DNAH6: variants seen among roughly 807,000 people sequenced by gnomAD.
DNAH6 encodes dynein axonemal heavy chain 6, also known as axonemal beta dynein heavy chain 6.
A neutral mutation model predicts 491.4 loss-of-function variants in DNAH6; 340 were observed. That is an observed-to-expected ratio of 0.69 (90% confidence interval 0.63 to 0.76). DNAH6 has a LOEUF of 0.76. Among genes scored for constraint, DNAH6 ranks in the 30% least tolerant of loss-of-function variants. The pLI is 0.00. For synonymous variants in DNAH6, 1,603 were observed against 1,686.1 expected (o/e 0.95, Z 1.21); for missense variants, 4,443 against 4,972.2 (o/e 0.89, Z 3.20).
At chr2:84,533,324 A>G (rs1573526576) in intron 4 of DNAH6, among the ~76,000 whole-genome samples, 1 of 152,154 alleles carries the variant, frequency 6.6e-6, no homozygotes, top group African/African-American at 2.4e-5. Context: ...ATCATGAAAT[A>G]TGCAGGAAAT....
At chr2:84,674,015 C>CATTTCTGTTCTGGAGAAA (rs1692992486) in intron 40 of DNAH6, among the ~76,000 whole-genome samples, 2 of 152,164 alleles carry the variant, frequency 1.3e-5, no homozygotes, top group Admixed American at 6.5e-5. Flanking sequence ...TTAACTGTCC[C>CATTTCTGTTCTGGAGAAA]ATTTCTGTTC....
intron 63 of DNAH6, among the ~76,000 whole-genome samples, chr2:84,753,189 C>G (rs1345261714): frequency 6.6e-6 from 1 of 152,050 alleles, no homozygotes; most frequent in Non-Finnish European, 1.5e-5. Context: ...GTGGAACTGT[C>G]TATTCAGATT....
At chr2:84,643,567 A>G (rs1689618562) in intron 33 of DNAH6, among the ~76,000 whole-genome samples, 1 of 151,986 alleles carries the variant, frequency 6.6e-6, no homozygotes, top group African/African-American at 2.4e-5. Context: ...TACAGTCTTT[A>G]TTCTCTTTAC....
chr2:84,559,063 T>C (rs1458798519), intron 11 of DNAH6, among the ~76,000 whole-genome samples: 2 of 152,142 alleles, frequency 1.3e-5, no homozygotes, highest in African/African-American at 4.8e-5. Flanking sequence ...GTAACTGTCA[T>C]GGTATGATTT....
intron 11 of DNAH6, among the ~76,000 whole-genome samples, chr2:84,564,797 C>T (rs192813121): frequency 6.6e-6 from 1 of 152,218 alleles, no homozygotes; most frequent in Non-Finnish European, 1.5e-5. Flanking sequence ...TCAACTTTTG[C>T]CCATGCAGTA....
intron 3 of DNAH6, among the ~76,000 whole-genome samples, chr2:84,526,769 CTG>C (rs1676643212): frequency 6.6e-6 from 1 of 152,134 alleles, no homozygotes; most frequent in Admixed American, 6.6e-5. Flanking sequence ...ACTATGGTGT[CTG>C]TGAAGTGGAG....
At chr2:84,688,269 A>G (rs754984274) in intron 44 of DNAH6, among the ~76,000 whole-genome samples, 170 bp from the exon 45 acceptor site, 9 of 151,740 alleles carry the variant, frequency 5.9e-5, no homozygotes, top group Non-Finnish European at 1.0e-4. Flanking sequence ...AAATCAGAAT[A>G]TAGCATTGTG....
chr2:84,603,533 G>A (rs1685465440), intron 18 of DNAH6, among the ~76,000 whole-genome samples: 1 of 152,040 alleles, frequency 6.6e-6, no homozygotes, highest in South Asian at 2.1e-4. Context: ...TAACATGGTG[G>A]CAGAGGTGAG....
intron 11 of DNAH6, among the ~76,000 whole-genome samples, chr2:84,570,820 C>G (rs1417325917): frequency 6.6e-5 from 10 of 152,156 alleles, no homozygotes; most frequent in Non-Finnish European, 1.5e-4. Flanking sequence ...TCGCTCTTCT[C>G]AATAAATGTT....
At chr2:84,614,269 G>A (rs1349924399) in intron 22 of DNAH6, among the ~76,000 whole-genome samples, 2 of 152,016 alleles carry the variant, frequency 1.3e-5, no homozygotes, top group Non-Finnish European at 2.9e-5. Flanking sequence ...CCACTTATGA[G>A]TGAGAACATA....
rs1694505019 is a variant in DNAH6 at position 84,688,425 on chromosome 2, C to T, written c.7138-14C>T. 1.4e-6 allele frequency: 2 copies of T among 1,477,676 alleles called. No homozygotes were observed. Among genetic ancestry groups the T allele is most frequent in the Admixed American group, 3.1e-5 (1 of 31,922 alleles). 91.5% of individuals were successfully genotyped at this position (1,477,676 alleles called of 1,614,324 possible). A position where few individuals can be genotyped will look rare whatever the true frequency, so the allele number is the denominator to read the frequency against. On this transcript the variant is annotated splice_polypyrimidine_tract_variant and intron_variant, in intron 44 of 76. Coordinates refer to ENST00000389394, the MANE Select transcript of DNAH6 (RefSeq NM_001370.2). ...AGAATTGATCCAACTTGGTTCTTCT[C>T]CCATAAATTATAGTTTGGAGCAGAT... is the stretch of plus-strand genomic sequence containing the variant.
At chr2:84,746,922 G>A (rs1022128003) in intron 63 of DNAH6, among the ~76,000 whole-genome samples, 3 of 152,264 alleles carry the variant, frequency 2.0e-5, no homozygotes, top group Admixed American at 2.0e-4. Context: ...GGAGACACCA[G>A]ACTGTTTTAA....
chr2:84,507,669 T>C, the DNAH6 span, among the ~76,000 whole-genome samples: 8 of 152,220 alleles, frequency 5.3e-5, no homozygotes, highest in Non-Finnish European at 8.8e-5. Flanking sequence ...ATGCTTCCAG[T>C]TTTTGCCCAT....
intron 15 of DNAH6, 181 bp downstream of exon 15, chr2:84,584,431 A>T (rs1573105651): frequency 1.6e-6 from 1 of 628,254 alleles, no homozygotes; most frequent in East Asian, 3.0e-5. Context: ...ATCACGTCAC[A>T]TACATCATTT....
chr2:84,611,819 G>A lies in DNAH6; in HGVS notation c.3440G>A (p.Arg1147Gln), dbSNP rs766033482. The A allele has an allele frequency of 1.1e-5, 17 of 1,550,818 alleles. No individual in the cohort carries two copies. Among genetic ancestry groups the A allele is most frequent in the South Asian group, 1.1e-4 (9 of 84,016 alleles). The change falls in exon 22 of 77, where the codon CGG (arginine) becomes CAG (glutamine). Residue 1147 changes from arginine (R) to glutamine (Q), a missense_variant. Physicochemically the swap from Arg to Gln is conservative, Grantham distance 43. Transcript: ENST00000389394. The part of the protein sequence containing the change: ...SWKEIMRKVN[R>Q]LPNALRAATQ... ...AAAGAAATCATGAGAAAGGTGAATC[G>A]GCTGCCTAATGCTCTTCGAGCCGCT...
the DNAH6 span, among the ~76,000 whole-genome samples, chr2:84,476,188 T>A: frequency 6.6e-6 from 1 of 152,240 alleles, no homozygotes; most frequent in Non-Finnish European, 1.5e-5. Flanking sequence ...TTGGCCCATA[T>A]TGACTAATGG....
chr2:84,510,391 T>C, the DNAH6 span, among the ~76,000 whole-genome samples: 2 of 152,280 alleles, frequency 1.3e-5, no homozygotes, highest in Non-Finnish European at 2.9e-5. Flanking sequence ...TGTGCATTCG[T>C]CACGTAGTTC....
At chr2:84,542,883 A>G (rs1261064845) in intron 4 of DNAH6, among the ~76,000 whole-genome samples, 4 of 152,172 alleles carry the variant, frequency 2.6e-5, no homozygotes, top group Non-Finnish European at 5.9e-5. Context: ...TGTGGCCCGG[A>G]CATGGTGGCT....
chr2:84,806,202 G>A (rs1026066814), intron 71 of DNAH6, among the ~76,000 whole-genome samples: 1 of 152,166 alleles, frequency 6.6e-6, no homozygotes, highest in African/African-American at 2.4e-5. Flanking sequence ...GGACAGTATA[G>A]AGATAGAGAA....
Sources: allele counts gnomAD v4.1 joint callset (sites outside exome capture counted in the v4.1 genomes callset), GRCh38; gene constraint gnomAD v4.1.1; transcripts MANE v1.5; gene names NCBI Gene and HGNC (gene_info 2026-07-23, HGNC 2026-07-21).